The following CHSY3 variants were observed in gnomAD, a reference collection of about 807,000 sequenced individuals.
CHSY3 encodes N-acetylgalactosaminyl-proteoglycan 3-beta-glucuronosyltransferase 3.
In CHSY3, 35 loss-of-function variants were observed where a neutral mutation model predicts 67.2. That is an observed-to-expected ratio of 0.52 (90% CI 0.40 to 0.69). The LOEUF is 0.69. Ranked by LOEUF, CHSY3 falls within the 30% of genes least tolerant of loss-of-function variation. The probability of loss-of-function intolerance (pLI) is 0.00; values close to 1 mark genes in which losing one functional copy is unlikely to be tolerated. For synonymous variants in CHSY3, 474 were observed against 434.7 expected, an observed-to-expected ratio of 1.09 and a Z score of -1.12; for missense variants, 1,069 against 1,138.5, an observed-to-expected ratio of 0.94 and a Z score of 0.88.
chr5:129,959,661 G>T (rs1229586783), intron 2 of CHSY3, among the ~76,000 whole-genome samples: 1 of 152,074 alleles, frequency 6.6e-6, no homozygotes, highest in Non-Finnish European at 1.5e-5. Flanking sequence ...TTATAAATAA[G>T]TGGTTTCCAT....
intron 2 of CHSY3, among the ~76,000 whole-genome samples, chr5:129,963,782 A>G (rs1175667845): frequency 6.6e-6 from 1 of 151,612 alleles, no homozygotes; most frequent in Non-Finnish European, 1.5e-5. Flanking sequence ...CTTGGGTCCT[A>G]TATAATGTCA....
chr5:130,018,926 G>A (rs1306530988), intron 2 of CHSY3, among the ~76,000 whole-genome samples: 1 of 152,068 alleles, frequency 6.6e-6, no homozygotes, highest in Admixed American at 6.6e-5. Flanking sequence ...ATGCCCTCAG[G>A]CTTGATCCCT....
intron 2 of CHSY3, among the ~76,000 whole-genome samples, chr5:130,100,640 G>A (rs1051668022): frequency 5.3e-5 from 8 of 152,110 alleles, no homozygotes; most frequent in Admixed American, 2.0e-4. Flanking sequence ...CATTAACTGA[G>A]TAATTATTAT....
intron 2 of CHSY3, among the ~76,000 whole-genome samples, chr5:130,076,433 G>A (rs4836491): frequency 0.32 from 47,890 of 150,664 alleles, 7,798 homozygotes; most frequent in South Asian, 0.43. Flanking sequence ...TAGTTTATAA[G>A]GCCATAAAGA....
In CHSY3 at chr5:129,905,209, C is replaced by T; in HGVS notation, c.380C>T (p.Ala127Val). 1 of 1,511,690 alleles carries T rather than the reference C, an allele frequency of 6.6e-7. No homozygotes were observed. The highest frequency in any genetic ancestry group is 8.8e-7 in the Non-Finnish European group (1 of 1,136,458). 93.6% of individuals were successfully genotyped at this position (1,511,690 alleles called of 1,614,324 possible). ...EPEGATGLPG[A>V]PAAEGEPEEE... ...GAGGGCGCGACGGGGCTTCCCGGTG[C>T]TCCAGCGGCCGAGGGGGAGCCCGAG... Residue 127 changes from alanine to valine, a missense_variant, in exon 1 of 3, where the codon GCT becomes GTT. By Grantham distance (64) the Ala-to-Val change is moderately conservative. This residue lies in a region of CHSY3 where 309 missense variants were observed against 262.5 expected (regional missense o/e 1.18). Transcript: ENST00000305031.
intron 2 of CHSY3, among the ~76,000 whole-genome samples, chr5:130,082,516 GAA>G (rs913685958): frequency 6.6e-6 from 1 of 151,946 alleles, no homozygotes; most frequent in Non-Finnish European, 1.5e-5. Flanking sequence ...TGTAAGCACG[GAA>G]TTAATTTTCC....
Position 129,905,787 on chromosome 5 carries a change from C to A in CHSY3, c.802+156C>A, listed in dbSNP as rs1473659021. On this transcript the variant is annotated intron_variant, in intron 1 of 2. Coordinates refer to ENST00000305031, the MANE Select transcript of CHSY3 (RefSeq NM_175856.5). ...GCCCGCCCTCCCCACCCCTTGCATCCGCCCACAATTCGTAGCCCGTTCCTC... is the reference window on the plus strand; with the variant it reads ...GCCCGCCCTCCCCACCCCTTGCATCAGCCCACAATTCGTAGCCCGTTCCTC... The A allele has an allele frequency of 9.9e-6, 14 of 1,416,756 alleles. No homozygotes were observed. In the East Asian group the frequency reaches 3.4e-4, roughly 34 times the overall value. The allele number at this position is 1,416,756 out of a possible 1,614,324, so 87.8% of individuals were successfully genotyped here.
At chr5:129,949,194 G>A (rs1480951013) in intron 2 of CHSY3, among the ~76,000 whole-genome samples, 1 of 152,146 alleles carries the variant, frequency 6.6e-6, no homozygotes, top group African/African-American at 2.4e-5. Flanking sequence ...CAAAATAATA[G>A]TGGGGGACTT....
intron 2 of CHSY3, among the ~76,000 whole-genome samples, chr5:129,956,432 GT>G (rs1762176319): frequency 6.6e-6 from 1 of 151,924 alleles, no homozygotes; most frequent in South Asian, 2.1e-4. Flanking sequence ...ATTTGTTTAG[GT>G]TCCTTATAGA....
intron 2 of CHSY3, among the ~76,000 whole-genome samples, chr5:130,011,282 G>A (rs964112902): frequency 6.6e-6 from 1 of 152,078 alleles, no homozygotes; most frequent in African/African-American, 2.4e-5. Flanking sequence ...ACCATGATCA[G>A]GTAGGTTTTA....
chr5:130,048,115 T>TATACACTAA (rs1201112987), intron 2 of CHSY3, among the ~76,000 whole-genome samples: 1 of 147,328 alleles, frequency 6.8e-6, no homozygotes, highest in African/African-American at 2.7e-5. Context: ...TTAGTGTGTA[T>TATACACTAA]ATGTATGTGT....
At chr5:129,970,030 C>A (rs539115822) in intron 2 of CHSY3, among the ~76,000 whole-genome samples, 2 of 151,840 alleles carry the variant, frequency 1.3e-5, no homozygotes, top group Admixed American at 6.6e-5. Context: ...TTATAGAAGG[C>A]CCCCCAAATC....
chr5:130,089,006 A>T (rs1274445135), intron 2 of CHSY3, among the ~76,000 whole-genome samples: 1 of 152,056 alleles, frequency 6.6e-6, no homozygotes, highest in Non-Finnish European at 1.5e-5. Flanking sequence ...GATTAAGAAA[A>T]TGTGGCACAT....
chr5:130,164,260 C>G (rs1769656104), intron 2 of CHSY3, among the ~76,000 whole-genome samples: 2 of 152,016 alleles, frequency 1.3e-5, no homozygotes, highest in Non-Finnish European at 2.9e-5. Context: ...CAAACTTGAG[C>G]CAGGGTCCAG....
chr5:130,050,194 A>C (rs564640627), intron 2 of CHSY3, among the ~76,000 whole-genome samples: 2 of 152,234 alleles, frequency 1.3e-5, no homozygotes, highest in East Asian at 3.9e-4. Context: ...TGACTAGTGC[A>C]TTCTGTTCTG....
intron 2 of CHSY3, among the ~76,000 whole-genome samples, chr5:130,036,235 T>G (rs1764859278): frequency 6.6e-6 from 1 of 152,094 alleles, no homozygotes; most frequent in Non-Finnish European, 1.5e-5. Flanking sequence ...ACAAAAAGGG[T>G]AGCAAAAGCT....
intron 2 of CHSY3, among the ~76,000 whole-genome samples, chr5:130,152,484 T>C (rs1320227886): frequency 1.3e-5 from 2 of 152,252 alleles, no homozygotes; most frequent in South Asian, 4.1e-4. Context: ...TGTCGACTTT[T>C]TTTCCTTCAC....
At chr5:130,141,424 C>T in intron 2 of CHSY3, 1 of 363,092 alleles carries the variant, frequency 2.8e-6, no homozygotes. Flanking sequence ...CTCCTGCATC[C>T]CATGGTGTTC....
chr5:130,073,276 T>C (rs1348370728), intron 2 of CHSY3, among the ~76,000 whole-genome samples: 1 of 151,486 alleles, frequency 6.6e-6, no homozygotes, highest in African/African-American at 2.4e-5. Context: ...CACATTTTTG[T>C]TCAATTAAAA....
Sources: gnomAD v4.1 joint callset for allele counts (sites outside exome capture counted in the v4.1 genomes callset) on GRCh38, gnomAD v4.1.1 for gene constraint, gnomAD v4.1.1 regional missense constraint, MANE v1.5 for transcripts, NCBI Gene and HGNC (gene_info 2026-07-23, HGNC 2026-07-21) for gene names.